The following VOPP1 variants were observed in gnomAD, a reference collection of about 807,000 sequenced individuals.
The protein encoded by VOPP1 is VOPP1 WW domain binding protein.
A neutral mutation model predicts 23.5 loss-of-function variants in VOPP1; 8 were observed. The ratio of observed to expected loss-of-function variants is 0.34; its 90% CI spans 0.20 to 0.61. The LOEUF is 0.61. VOPP1 is among the 20% of genes least tolerant of loss of function. VOPP1 has a pLI of 0.78. For synonymous variants in VOPP1, 83 were observed against 97.3 expected, an observed-to-expected ratio of 0.85 and a Z score of 0.86; for missense variants, 174 against 238.1, an observed-to-expected ratio of 0.73 and a Z score of 1.77.
rs1798396325 is a variant in VOPP1, at chr7:55,572,351, C to T, written c.-27G>A. The T allele has an allele frequency of 7.5e-7, 1 of 1,334,830 alleles. No homozygotes were observed. The highest frequency in any genetic ancestry group is 9.6e-7 in the Non-Finnish European group (1 of 1,043,944). 82.7% of individuals were successfully genotyped at this position (1,334,830 alleles called of 1,614,324 possible). A position where few individuals can be genotyped will look rare whatever the true frequency, so the allele number is the denominator to read the frequency against. ...GCTCCTCGCGTCCTCTCCAGCGCGCCCGGACGCCGGGTCGCAGGCGCGCTT... is the reference window on the plus strand; with the variant it reads ...GCTCCTCGCGTCCTCTCCAGCGCGCTCGGACGCCGGGTCGCAGGCGCGCTT... On this transcript the variant is annotated 5_prime_UTR_variant, in exon 1 of 5. Coordinates refer to ENST00000285279, the MANE Select transcript of VOPP1 (RefSeq NM_030796.5).
intron 2 of VOPP1, among the ~76,000 whole-genome samples, chr7:55,514,353 G>A (rs111809473): frequency 0.018 from 2,720 of 152,332 alleles, 43 homozygotes; most frequent in Middle Eastern, 0.027. Context: ...TCTAGCACAG[G>A]AAACGGGGGC....
At chr7:55,489,722 T>G (rs1189190013) in intron 4 of VOPP1, among the ~76,000 whole-genome samples, 2 of 152,152 alleles carry the variant, frequency 1.3e-5, no homozygotes, top group African/African-American at 4.8e-5. Context: ...ATTCCGACCC[T>G]GGTTTACCAG....
At position 55,472,071 on chromosome 7, in the gene VOPP1, A is replaced by C. The variant is rs1184569681; in HGVS notation, c.*784T>G. 1 of 152,188 alleles carries C rather than the reference A, an allele frequency of 6.6e-6. No individual in the cohort carries two copies. Among genetic ancestry groups the C allele is most frequent in the Non-Finnish European group, 1.5e-5 (1 of 68,042 alleles). 9.4% of individuals were successfully genotyped at this position (152,188 alleles called of 1,614,324 possible). The stretch of plus-strand genomic sequence containing the variant: ...TGCACTTCCATAAACACACCAAAAA[A>C]ATGGGTAACAGTCCTTTCTCCAAAT... On this transcript the variant is annotated 3_prime_UTR_variant, in exon 5 of 5. Transcript: ENST00000285279.
chr7:55,513,646 G>T (rs138232208), intron 2 of VOPP1, among the ~76,000 whole-genome samples: 1,672 of 152,314 alleles, frequency 0.011, 11 homozygotes, highest in Middle Eastern at 0.02. Context: ...GGCCCAGGGA[G>T]ACTTAGCATC....
chr7:55,503,735 C>T (rs531510294), intron 2 of VOPP1, among the ~76,000 whole-genome samples: 1 of 152,158 alleles, frequency 6.6e-6, no homozygotes, highest in Non-Finnish European at 1.5e-5. Context: ...CTGCTTGCTC[C>T]ACTCCCCACC....
At chr7:55,446,246 G>C (rs1396679943) in intron 4 of VOPP1, among the ~76,000 whole-genome samples, 1 of 152,146 alleles carries the variant, frequency 6.6e-6, no homozygotes, top group East Asian at 1.9e-4. Context: ...GCCCACCTCG[G>C]CCTCCCAAAG....
chr7:55,514,182 G>A (rs561154977), intron 2 of VOPP1, among the ~76,000 whole-genome samples: 1 of 152,320 alleles, frequency 6.6e-6, no homozygotes, highest in East Asian at 1.9e-4. Flanking sequence ...CAAGCAGGCT[G>A]GACCCTTAAT....
chr7:55,486,065 A>G (rs950073837), intron 4 of VOPP1, among the ~76,000 whole-genome samples: 1 of 152,230 alleles, frequency 6.6e-6, no homozygotes, highest in Non-Finnish European at 1.5e-5. Flanking sequence ...GCAGGCACCC[A>G]TGAGTGGACC....
In VOPP1 at chr7:55,570,729, G is replaced by A. The variant is rs150394623; in HGVS notation, c.54+1542C>T. 8.0e-3 allele frequency among the ~76,000 whole-genome samples: 1,211 copies of A among 152,252 alleles called. 23 individuals carry two copies. Among genetic ancestry groups the A allele is most frequent in the African/African-American group, 0.028 (1,164 of 41,524 alleles). ...GGCCGAGGCGGGCGGATCACCTGAGGTCAGGAGTTCGAGACCAGCCTGACC... is the reference window on the plus strand; with the variant it reads ...GGCCGAGGCGGGCGGATCACCTGAGATCAGGAGTTCGAGACCAGCCTGACC... On this transcript the variant is annotated intron_variant, in intron 1 of 4. Transcript: ENST00000285279.
intron 2 of VOPP1, among the ~76,000 whole-genome samples, chr7:55,498,444 G>C (rs1583926145): frequency 5.0e-4 from 1 of 1,994 alleles, no homozygotes; most frequent in Non-Finnish European, 1.4e-3. Flanking sequence ...GGGCAGGTGA[G>C]GCACTCAGGT....
At chr7:55,561,822 T>G in intron 1 of VOPP1, 2 of 606,432 alleles carry the variant, frequency 3.3e-6, no homozygotes, top group Non-Finnish European at 3.0e-6. Flanking sequence ...GCCTAGGGAG[T>G]AGCTTGCCCA....
intron 4 of VOPP1, among the ~76,000 whole-genome samples, chr7:55,481,197 A>G (rs1426565807): frequency 6.6e-6 from 1 of 152,222 alleles, no homozygotes; most frequent in African/African-American, 2.4e-5. Flanking sequence ...TCTCAGGACA[A>G]GTCACAGGCC....
chr7:55,511,255 G>A (rs1265516546), intron 2 of VOPP1, among the ~76,000 whole-genome samples: 1 of 152,192 alleles, frequency 6.6e-6, no homozygotes, highest in Non-Finnish European at 1.5e-5. Context: ...GGCAATGATA[G>A]CCTATTATCA....
chr7:55,465,925 G>A (rs1791619948), downstream of VOPP1, among the ~76,000 whole-genome samples: 2 of 152,296 alleles, frequency 1.3e-5, no homozygotes, highest in South Asian at 2.1e-4. Context: ...TGGACTGAAT[G>A]TCTGTGTCCC....
At chr7:55,443,251 T>C (rs1791011813) in intron 4 of VOPP1, among the ~76,000 whole-genome samples, 1 of 151,830 alleles carries the variant, frequency 6.6e-6, no homozygotes, top group African/African-American at 2.4e-5. Flanking sequence ...ATACAAACAA[T>C]TTTTAAAAAA....
chr7:55,566,721 A>G (rs918393432), intron 1 of VOPP1, among the ~76,000 whole-genome samples: 4 of 152,228 alleles, frequency 2.6e-5, no homozygotes, highest in Non-Finnish European at 5.9e-5. Flanking sequence ...ACATGGATTA[A>G]TGGCTAAGTG....
chr7:55,528,684 CA>C lies in VOPP1; in HGVS notation c.55-7555del, dbSNP rs1379741601. On this transcript the variant is annotated intron_variant, in intron 1 of 4. Coordinates refer to ENST00000285279, the MANE Select transcript of VOPP1 (RefSeq NM_030796.5). ...CTGGGCAACAGAGCAAGCTCTGTCTCAAAAAAAAAAAAGAAAAATATTTAAA... is the reference window on the plus strand; with the variant it reads ...CTGGGCAACAGAGCAAGCTCTGTCTCAAAAAAAAAAAGAAAAATATTTAAA... Among the ~76,000 whole-genome samples the C allele has an allele frequency of 1.2e-3, 152 of 126,446 alleles. 1 individual carries two copies. The highest frequency in any genetic ancestry group is 4.1e-3 in the Middle Eastern group (1 of 246). The allele number at this position is 126,446 out of a possible 152,430, so 83.0% of individuals were successfully genotyped here.
At chr7:55,465,332 G>T (rs571643631) in intron 4 of VOPP1, among the ~76,000 whole-genome samples, 1 of 152,358 alleles carries the variant, frequency 6.6e-6, no homozygotes, top group East Asian at 1.9e-4. Context: ...TTCTATCTCT[G>T]ATTGGCTCAA....
chr7:55,523,898 T>C (rs1796020720), intron 1 of VOPP1, among the ~76,000 whole-genome samples: 1 of 152,272 alleles, frequency 6.6e-6, no homozygotes, highest in Non-Finnish European at 1.5e-5. Flanking sequence ...TCTTTTTATG[T>C]AGTTTGACTT....
Sources: gnomAD v4.1 joint callset for allele counts (sites outside exome capture counted in the v4.1 genomes callset) on GRCh38, gnomAD v4.1.1 for gene constraint, MANE v1.5 for transcripts, NCBI Gene and HGNC (gene_info 2026-07-23, HGNC 2026-07-21) for gene names.